The following CSMD3 variants were observed in gnomAD, a reference collection of about 807,000 sequenced individuals.
The protein encoded by CSMD3 is CUB and Sushi multiple domains 3, also known as CUB and sushi domain-containing protein 3.
CSMD3 carries 177 observed loss-of-function variants against 435.2 expected under a neutral mutation model. The ratio of observed to expected loss-of-function variants is 0.41; its 90% CI spans 0.36 to 0.46. CSMD3 has a LOEUF of 0.46. CSMD3 is among the 20% of genes least tolerant of loss of function. CSMD3 has a pLI of 0.34. For synonymous variants in CSMD3, 1,656 were observed against 1,520.5 expected (o/e 1.09, Z -2.07); for missense variants, 4,265 against 4,504.6 (o/e 0.95, Z 1.52).
chr8:112,697,692 C>CA (rs2076290573), intron 13 of CSMD3, among the ~76,000 whole-genome samples: 1 of 151,766 alleles, frequency 6.6e-6, no homozygotes, highest in Non-Finnish European at 1.5e-5. Context: ...ACATATGTAA[C>CA]AAACGTTGTG....
chr8:113,199,365 A>G (rs1390017485), intron 3 of CSMD3, among the ~76,000 whole-genome samples: 1 of 151,708 alleles, frequency 6.6e-6, no homozygotes, highest in Non-Finnish European at 1.5e-5. Context: ...GCCTTTATTC[A>G]TCATTGAGAA....
chr8:112,864,631 T>C (rs2080924555), intron 10 of CSMD3, among the ~76,000 whole-genome samples: 1 of 152,052 alleles, frequency 6.6e-6, no homozygotes. Context: ...GAATTATATA[T>C]AATTTTAAAA....
intron 20 of CSMD3, among the ~76,000 whole-genome samples, chr8:112,640,025 A>G (rs142180647): frequency 3.9e-5 from 6 of 152,278 alleles, no homozygotes; most frequent in East Asian, 3.9e-4. Flanking sequence ...ATGCTGATTT[A>G]CATCTCCATA....
chr8:112,872,668 A>G (rs2081169661), intron 10 of CSMD3, among the ~76,000 whole-genome samples: 1 of 151,978 alleles, frequency 6.6e-6, no homozygotes, highest in Admixed American at 6.6e-5. Flanking sequence ...GAATCATCCC[A>G]TTAGTATTAA....
chr8:112,759,264 T>C (rs2077776005), intron 13 of CSMD3, among the ~76,000 whole-genome samples: 2 of 152,140 alleles, frequency 1.3e-5, no homozygotes, highest in South Asian at 2.1e-4. Context: ...TATTAAGTGA[T>C]ACACATATCA....
intron 6 of CSMD3, among the ~76,000 whole-genome samples, chr8:112,980,433 AAAT>A (rs1220459454): frequency 6.6e-6 from 1 of 151,438 alleles, no homozygotes; most frequent in Non-Finnish European, 1.5e-5. Context: ...AAATTTAACA[AAAT>A]AATAATAATT....
At chr8:112,893,318 T>C (rs1409027648) in intron 10 of CSMD3, among the ~76,000 whole-genome samples, 1 of 151,510 alleles carries the variant, frequency 6.6e-6, no homozygotes, top group East Asian at 2.0e-4. Context: ...GATTAAGTCA[T>C]TGATTACCTG....
At chr8:113,067,446 G>A (rs558263186) in intron 5 of CSMD3, among the ~76,000 whole-genome samples, 2 of 152,078 alleles carry the variant, frequency 1.3e-5, no homozygotes, top group African/African-American at 4.8e-5. Flanking sequence ...ATTCATGAAT[G>A]CCTCAGTCCT....
At chr8:113,247,211 T>C (rs1334475646) in intron 3 of CSMD3, among the ~76,000 whole-genome samples, 2 of 152,204 alleles carry the variant, frequency 1.3e-5, no homozygotes, top group Non-Finnish European at 2.9e-5. Flanking sequence ...CTAACACTTA[T>C]TTATTTATTG....
At chr8:112,701,578 G>A (rs1227488629) in intron 13 of CSMD3, among the ~76,000 whole-genome samples, 1 of 152,124 alleles carries the variant, frequency 6.6e-6, no homozygotes, top group African/African-American at 2.4e-5. Flanking sequence ...TGTTGAAAGG[G>A]AAAGGATGGT....
chr8:112,839,423 C>T (rs2080118531), intron 11 of CSMD3, among the ~76,000 whole-genome samples: 1 of 151,632 alleles, frequency 6.6e-6, no homozygotes, highest in South Asian at 2.1e-4. Context: ...CAGTACAAAA[C>T]CATTGGTTCC....
intron 13 of CSMD3, among the ~76,000 whole-genome samples, chr8:112,743,470 C>T (rs567857188): frequency 2.0e-5 from 3 of 151,834 alleles, no homozygotes; most frequent in African/African-American, 7.2e-5. Context: ...TGGATTAAGG[C>T]AGTCTTCAAC....
intron 3 of CSMD3, among the ~76,000 whole-genome samples, chr8:113,245,010 T>C (rs934337946): frequency 1.3e-5 from 2 of 152,190 alleles, no homozygotes; most frequent in Non-Finnish European, 2.9e-5. Flanking sequence ...ACAATCACTG[T>C]ATCTTTTATC....
chr8:112,866,695 G>A (rs188006359), intron 10 of CSMD3, among the ~76,000 whole-genome samples: 2 of 152,034 alleles, frequency 1.3e-5, no homozygotes, highest in East Asian at 3.9e-4. Context: ...CCAGGCATAA[G>A]GATGAATAAT....
intron 3 of CSMD3, among the ~76,000 whole-genome samples, chr8:113,198,597 TTTTTTA>T (rs2092685412): frequency 6.6e-6 from 1 of 151,324 alleles, no homozygotes; most frequent in African/African-American, 2.4e-5. Context: ...GTTTTTGTTT[TTTTTTA>T]AAAAGAAGTC....
chr8:112,464,334 T>C (rs763038200), intron 32 of CSMD3, among the ~76,000 whole-genome samples: 2 of 151,578 alleles, frequency 1.3e-5, no homozygotes, highest in Non-Finnish European at 2.9e-5. Context: ...GGAAAACACA[T>C]ATGGCACCTA....
chr8:113,215,802 T>C (rs1346732604), intron 3 of CSMD3, among the ~76,000 whole-genome samples: 1 of 151,858 alleles, frequency 6.6e-6, no homozygotes. Context: ...TCAAATGTTC[T>C]CATTCATCTT....
intron 27 of CSMD3, among the ~76,000 whole-genome samples, chr8:112,522,747 A>G (rs929039625): frequency 4.6e-5 from 7 of 151,932 alleles, no homozygotes; most frequent in Non-Finnish European, 8.8e-5. Context: ...GGGTTTGTTC[A>G]GAAAATAACC....
chr8:113,383,140 A>C (rs2094424336), intron 1 of CSMD3, among the ~76,000 whole-genome samples: 1 of 152,164 alleles, frequency 6.6e-6, no homozygotes, highest in Non-Finnish European at 1.5e-5. Flanking sequence ...ACTTAGGCAC[A>C]GAGGGAGAAA....
Sources: gnomAD v4.1 joint callset for allele counts (sites outside exome capture counted in the v4.1 genomes callset) on GRCh38, gnomAD v4.1.1 for gene constraint, MANE v1.5 for transcripts, NCBI Gene and HGNC (gene_info 2026-07-23, HGNC 2026-07-21) for gene names.